KCNQ5: variants seen among roughly 807,000 people sequenced by gnomAD.
The protein encoded by KCNQ5 is potassium voltage-gated channel subfamily Q member 5.
Under a neutral mutation model 98.2 loss-of-function variants are expected in KCNQ5, and 30 were observed. The ratio of observed to expected loss-of-function variants is 0.31; its 90% CI spans 0.23 to 0.41. KCNQ5 has a LOEUF of 0.41. KCNQ5 is among the 10% of genes least tolerant of loss of function. The probability of loss-of-function intolerance (pLI) is 1.00; values close to 1 mark genes in which losing one functional copy is unlikely to be tolerated. For missense variants in KCNQ5, 835 were observed against 1,182.5 expected (o/e 0.71, Z 4.31); for synonymous variants, 458 against 449.4 (o/e 1.02, Z -0.24).
chr6:72,842,022 TA>T (rs1280169054), intron 1 of KCNQ5, among the ~76,000 whole-genome samples: 2 of 152,170 alleles, frequency 1.3e-5, no homozygotes, highest in Non-Finnish European at 2.9e-5. Flanking sequence ...TAATCAAAAC[TA>T]ACTCAAGAAT....
At chr6:72,708,144 A>G (rs1404495785) in intron 1 of KCNQ5, among the ~76,000 whole-genome samples, 1 of 152,178 alleles carries the variant, frequency 6.6e-6, no homozygotes, top group Non-Finnish European at 1.5e-5. Context: ...TTTCTTAATC[A>G]TATGACCTCC....
At chr6:73,003,197 T>C (rs981728054) in intron 1 of KCNQ5, among the ~76,000 whole-genome samples, 2 of 152,276 alleles carry the variant, frequency 1.3e-5, no homozygotes, top group African/African-American at 4.8e-5. Context: ...GGAATAAAAA[T>C]ATCTGTAGAT....
Position 73,194,987 on chromosome 6 carries a change from T to C in KCNQ5, c.2372T>C (p.Val791Ala), listed in dbSNP as rs1348526534. 1 of 1,614,214 alleles carries C rather than the reference T, an allele frequency of 6.2e-7. No individual in the cohort carries two copies. The highest frequency in any genetic ancestry group is 2.2e-5 in the East Asian group (1 of 44,884). Residue 791 changes from valine to alanine, a missense_variant, in exon 14 of 14, where the codon GTT (valine) becomes GCT (alanine). By Grantham distance (64) the Val-to-Ala change is moderately conservative. Around this residue, in one of 10 missense-constraint regions of KCNQ5, gnomAD observed 416 missense variants for 446.9 expected, o/e 0.93. Coordinates refer to ENST00000370398, the MANE Select transcript of KCNQ5 (RefSeq NM_019842.4). ...TGCCTTGTTGCCTCCAAGGAAAATG[T>C]TCAGGTTGCACAGTCAAATCTCACC... is the stretch of plus-strand genomic sequence containing the variant. ...TTCLVASKEN[V>A]QVAQSNLTKD...
At chr6:73,071,739 C>T (rs1010064012) in intron 3 of KCNQ5, among the ~76,000 whole-genome samples, 5 of 152,206 alleles carry the variant, frequency 3.3e-5, no homozygotes, top group East Asian at 1.9e-4. Context: ...ACTTCAAGGA[C>T]GGTACCAAGC....
At chr6:73,180,580 C>T (rs1778373481) in intron 11 of KCNQ5, among the ~76,000 whole-genome samples, 1 of 152,250 alleles carries the variant, frequency 6.6e-6, no homozygotes, top group East Asian at 1.9e-4. Context: ...ATTGTTCCAC[C>T]CCCAACACAC....
In KCNQ5 at chr6:72,883,234, T is replaced by G. The variant is rs531798220; in HGVS notation, c.399-120674T>G. Among the ~76,000 whole-genome samples, 15 of 152,338 alleles carry G rather than the reference T, an allele frequency of 9.8e-5. 1 individual carries two copies. The highest frequency in any genetic ancestry group is 3.6e-4 in the African/African-American group (15 of 41,586). ...AACGTGATTTTCCCTCTTACACTGT[T>G]TCTATCTATTTATTTATAATAACAT... On this transcript the variant is annotated intron_variant, in intron 1 of 13. Transcript: ENST00000370398.
Position 73,170,566 on chromosome 6 carries a change from C to CCAA in KCNQ5, c.1577+712_1577+713insCAA, listed in dbSNP as rs1491195305. Among the ~76,000 whole-genome samples, 9 of 136,754 alleles carry CCAA rather than the reference C, an allele frequency of 6.6e-5. 1 individual carries two copies. Among genetic ancestry groups the CCAA allele is most frequent in the African/African-American group, 2.4e-4 (9 of 36,914 alleles). 89.7% of individuals were successfully genotyped at this position (136,754 alleles called of 152,430 possible). A position where few individuals can be genotyped will look rare whatever the true frequency, so the allele number is the denominator to read the frequency against. On this transcript the variant is annotated intron_variant, in intron 11 of 13. Coordinates refer to ENST00000370398, the MANE Select transcript of KCNQ5 (RefSeq NM_019842.4). The stretch of plus-strand genomic sequence containing the variant: ...CAAGGAATGCTGAGTAACTATATTG[C>CCAA]AAAAAAAAAAAAAAGAAAAGAAAAG...
chr6:72,821,518 T>G (rs544582698), intron 1 of KCNQ5, among the ~76,000 whole-genome samples: 1 of 152,298 alleles, frequency 6.6e-6, no homozygotes, highest in Non-Finnish European at 1.5e-5. Flanking sequence ...GGGCTAAATA[T>G]TCCATCACAA....
At chr6:72,789,996 A>T (rs1420633564) in intron 1 of KCNQ5, among the ~76,000 whole-genome samples, 3 of 152,180 alleles carry the variant, frequency 2.0e-5, no homozygotes, top group Non-Finnish European at 4.4e-5. Context: ...TAGTATTGAG[A>T]TGAGGGGATC....
rs72179327 is a variant in KCNQ5, at chr6:73,089,311, CAGTT to C, written c.918+11425_918+11428del. ...ATGAACAGAATAAGGATTTAGGAAA[CAGTT>C]GGTAGGGAAGTAGCTTTTTTTGTTG... On this transcript the variant is annotated intron_variant, in intron 5 of 13. Transcript: ENST00000370398. Among the ~76,000 whole-genome samples the C allele has an allele frequency of 6.5e-3, 993 of 152,220 alleles. 8 individuals are homozygous for C. The highest frequency in any genetic ancestry group is 0.023 in the African/African-American group (937 of 41,524).
At chr6:72,932,013 A>T (rs1765715235) in intron 1 of KCNQ5, among the ~76,000 whole-genome samples, 1 of 152,156 alleles carries the variant, frequency 6.6e-6, no homozygotes, top group Non-Finnish European at 1.5e-5. Context: ...CAGCCCAAGA[A>T]TAAACACCTG....
chr6:72,633,096 GT>G (rs2098921968), intron 1 of KCNQ5, among the ~76,000 whole-genome samples: 1 of 152,106 alleles, frequency 6.6e-6, no homozygotes, highest in Non-Finnish European at 1.5e-5. Flanking sequence ...AGCATCTGTT[GT>G]TTTTTGGCTT....
intron 1 of KCNQ5, among the ~76,000 whole-genome samples, chr6:72,974,912 A>G (rs1768089412): frequency 1.3e-5 from 2 of 151,756 alleles, no homozygotes; most frequent in African/African-American, 4.8e-5. Context: ...AATTTTTTGT[A>G]TTTTAGTAGA....
At chr6:73,000,908 A>G (rs1769537369) in intron 1 of KCNQ5, among the ~76,000 whole-genome samples, 1 of 152,174 alleles carries the variant, frequency 6.6e-6, no homozygotes, top group Non-Finnish European at 1.5e-5. Flanking sequence ...ACTCTGCCCT[A>G]CAAGCCTCTC....
At chr6:73,035,767 T>C (rs1485468891) in intron 2 of KCNQ5, among the ~76,000 whole-genome samples, 1 of 152,188 alleles carries the variant, frequency 6.6e-6, no homozygotes, top group African/African-American at 2.4e-5. Context: ...ATTGTCTAGA[T>C]TGCTGGCAAT....
At chr6:73,175,887 G>T (rs1778193528) in intron 11 of KCNQ5, among the ~76,000 whole-genome samples, 1 of 152,192 alleles carries the variant, frequency 6.6e-6, no homozygotes, top group South Asian at 2.1e-4. Context: ...GACTCTAAAA[G>T]AAAGAAAAGA....
chr6:73,080,177 GT>G lies in KCNQ5; in HGVS notation c.918+2294del, dbSNP rs376636742. Among the ~76,000 whole-genome samples, 492 of 152,238 alleles carry G rather than the reference GT, an allele frequency of 3.2e-3. 5 individuals carry two copies. The highest frequency in any genetic ancestry group is 0.011 in the African/African-American group (470 of 41,556). ...TTTGCCAGAATAACCCACACGGTAGGTTTTCAAAGGTCATATCTGTGACTTT... is the reference window on the plus strand; with the variant it reads ...TTTGCCAGAATAACCCACACGGTAGGTTTCAAAGGTCATATCTGTGACTTT... On this transcript the variant is annotated intron_variant, in intron 5 of 13. Transcript: ENST00000370398.
chr6:72,823,709 C>T (rs1280705104), intron 1 of KCNQ5, among the ~76,000 whole-genome samples: 1 of 152,104 alleles, frequency 6.6e-6, no homozygotes, highest in Admixed American at 6.6e-5. Context: ...TTCTGTGACA[C>T]CCCCGAAGTT....
At chr6:72,627,628 A>G (rs2098918625) in intron 1 of KCNQ5, among the ~76,000 whole-genome samples, 1 of 152,186 alleles carries the variant, frequency 6.6e-6, no homozygotes, top group Non-Finnish European at 1.5e-5. Context: ...GGAGTGGTTA[A>G]GACTTGGGAA....
Sources: gnomAD v4.1 joint callset for allele counts (sites outside exome capture counted in the v4.1 genomes callset) on GRCh38, gnomAD v4.1.1 for gene constraint, gnomAD v4.1.1 regional missense constraint, MANE v1.5 for transcripts, NCBI Gene and HGNC (gene_info 2026-07-23, HGNC 2026-07-21) for gene names.